ATP8A2: variants seen among roughly 807,000 people sequenced by gnomAD.
ATP8A2 encodes phospholipid-transporting ATPase IB.
ATP8A2 carries 100 observed loss-of-function variants against 165.6 expected under a neutral mutation model. The ratio of observed to expected loss-of-function variants is 0.60; its 90% confidence interval spans 0.51 to 0.71. The LOEUF (loss-of-function observed/expected upper bound fraction) is 0.71. Ranked by LOEUF, ATP8A2 falls within the 30% of genes least tolerant of loss-of-function variation. The probability of loss-of-function intolerance (pLI) is 0.00; values close to 1 mark genes in which losing one functional copy is unlikely to be tolerated. For synonymous variants in ATP8A2, 543 were observed against 548.8 expected (o/e 0.99, Z 0.15); for missense variants, 1,227 against 1,479.5 (o/e 0.83, Z 2.80).
chr13:26,022,595 A>C lies in ATP8A2; in HGVS notation c.*2610A>C, dbSNP rs1018281651. On this transcript the variant is annotated 3_prime_UTR_variant, in exon 37 of 37. Coordinates refer to ENST00000381655, the MANE Select transcript of ATP8A2 (RefSeq NM_016529.6). ...GAGCATTCTTACAGCCAAATGACTA[A>C]ATTGGCTGTAAATTGGTTTCTAGGA... The C allele has an allele frequency of 5.9e-5, 9 of 152,146 alleles. No individual in the cohort carries two copies. Among genetic ancestry groups the C allele is most frequent in the Non-Finnish European group, 1.0e-4 (7 of 68,026 alleles). The allele number at this position is 152,146 out of a possible 1,614,324, so 9.4% of individuals were successfully genotyped here. A position where few individuals can be genotyped will look rare whatever the true frequency, so the allele number is the denominator to read the frequency against.
chr13:25,865,697 C>A (rs566501212), intron 33 of ATP8A2, among the ~76,000 whole-genome samples: 1 of 152,248 alleles, frequency 6.6e-6, no homozygotes, highest in Non-Finnish European at 1.5e-5. Context: ...TGAAACCCAG[C>A]CAGACAACAT....
At chr13:25,732,160 G>C (rs2043663565) in intron 25 of ATP8A2, among the ~76,000 whole-genome samples, 1 of 152,178 alleles carries the variant, frequency 6.6e-6, no homozygotes, top group African/African-American at 2.4e-5. Context: ...ACTGTGTTTA[G>C]GAAAAGGAGG....
rs937525314 is a variant in ATP8A2 at position 25,558,832 on chromosome 13, T to G, written c.1264-141T>G. 2.0e-5 allele frequency: 11 copies of G among 551,838 alleles called. No homozygotes were observed. The African/African-American group carries it at 2.1e-4, about 11-fold the overall frequency. 34.2% of individuals were successfully genotyped at this position (551,838 alleles called of 1,614,324 possible). ...GTCTAAGCATTAAAATATTAATATA[T>G]TTTTTGTTACTAATTTGCTTGCTTT... On this transcript the variant is annotated intron_variant, in intron 13 of 36. Coordinates refer to ENST00000381655, the MANE Select transcript of ATP8A2 (RefSeq NM_016529.6).
At chr13:25,383,794 C>T (rs1245338204) in intron 1 of ATP8A2, among the ~76,000 whole-genome samples, 2 of 152,160 alleles carry the variant, frequency 1.3e-5, no homozygotes, top group South Asian at 2.1e-4. Context: ...TAGTGACCCT[C>T]TCCAAACAAA....
chr13:25,554,510 C>CAT (rs1176972902), intron 12 of ATP8A2, among the ~76,000 whole-genome samples: 5 of 105,726 alleles, frequency 4.7e-5, no homozygotes, highest in Non-Finnish European at 1.1e-4. Context: ...AAATATAAAT[C>CAT]ATGTGTGTGT....
At chr13:25,513,384 A>G (rs1170818916) in intron 2 of ATP8A2, among the ~76,000 whole-genome samples, 3 of 149,184 alleles carry the variant, frequency 2.0e-5, no homozygotes, top group African/African-American at 7.5e-5. Context: ...GACGCTTCTC[A>G]CTTCCTAGAT....
At position 25,559,026 on chromosome 13, in the gene ATP8A2, CT is replaced by C; in HGVS notation, c.1320del (p.Phe440LeufsTer9). ...TGTLTCNIMN[F>X]KKCSIAGVTY... ...GAACGCTTACATGCAATATCATGAA[CT>C]TTAAGAAGTGCAGCATTGCCGGAGT... On this transcript the variant is annotated frameshift_variant, in exon 14 of 37. Transcript: ENST00000381655. LOFTEE classifies it high-confidence loss of function. The C allele has an allele frequency of 6.2e-7, 1 of 1,612,792 alleles. No individual in the cohort carries two copies. The highest frequency in any genetic ancestry group is 8.5e-7 in the Non-Finnish European group (1 of 1,179,304).
intron 25 of ATP8A2, among the ~76,000 whole-genome samples, chr13:25,768,759 C>T (rs142353615): frequency 2.0e-5 from 3 of 152,330 alleles, no homozygotes; most frequent in East Asian, 1.9e-4. Flanking sequence ...GCAGGGCACA[C>T]GTACCCCCGA....
At chr13:25,460,228 A>G (rs2035470243) in intron 1 of ATP8A2, among the ~76,000 whole-genome samples, 1 of 152,142 alleles carries the variant, frequency 6.6e-6, no homozygotes, top group Non-Finnish European at 1.5e-5. Flanking sequence ...CAAAGAAGCA[A>G]ACAAAATATG....
chr13:25,375,637 A>T (rs1453140357), intron 1 of ATP8A2, among the ~76,000 whole-genome samples: 4 of 149,704 alleles, frequency 2.7e-5, no homozygotes, highest in Non-Finnish European at 4.5e-5. Context: ...CAGTGGTGTG[A>T]TCTCGGCTCA....
At chr13:25,694,522 A>G (rs928393361) in intron 24 of ATP8A2, among the ~76,000 whole-genome samples, 22 of 152,122 alleles carry the variant, frequency 1.4e-4, no homozygotes, top group Non-Finnish European at 4.4e-5. Context: ...CCTGGTGAAC[A>G]CACCCAGGCT....
intron 33 of ATP8A2, among the ~76,000 whole-genome samples, chr13:25,919,723 G>T (rs1175623558): frequency 6.6e-6 from 1 of 152,028 alleles, no homozygotes; most frequent in African/African-American, 2.4e-5. Flanking sequence ...CAATTCCAAA[G>T]ATTTTCTGTA....
At chr13:25,493,999 C>T (rs1017993171) in intron 2 of ATP8A2, among the ~76,000 whole-genome samples, 11 of 152,050 alleles carry the variant, frequency 7.2e-5, no homozygotes, top group Non-Finnish European at 1.5e-4. Context: ...AGGTGAATCA[C>T]GTCCACTCTA....
At position 25,869,842 on chromosome 13, in the gene ATP8A2, C is replaced by T. The variant is rs182011764; in HGVS notation, c.3183+7434C>T. ...GTGAATGTTTACAGCTCCTGAACCC[C>T]AGTGGGCATGTGTTACAGGGTACTC... On this transcript the variant is annotated intron_variant, in intron 33 of 36. Coordinates refer to ENST00000381655, the MANE Select transcript of ATP8A2 (RefSeq NM_016529.6). 3.1e-4 allele frequency among the ~76,000 whole-genome samples: 47 copies of T among 152,304 alleles called. No homozygotes were observed. The East Asian group carries it at 5.2e-3, about 17-fold the overall frequency.
At chr13:25,438,177 A>T (rs1206700571) in intron 1 of ATP8A2, among the ~76,000 whole-genome samples, 1 of 152,136 alleles carries the variant, frequency 6.6e-6, no homozygotes, top group African/African-American at 2.4e-5. Flanking sequence ...TCTGGGTAGG[A>T]GGTTGACAAG....
intron 27 of ATP8A2, among the ~76,000 whole-genome samples, chr13:25,794,730 C>T (rs968841455): frequency 1.3e-5 from 2 of 151,598 alleles, no homozygotes; most frequent in African/African-American, 2.4e-5. Context: ...CCAGTAATTG[C>T]TTCTTGGTAT....
chr13:25,401,117 C>T lies in ATP8A2; in HGVS notation c.76+28829C>T, dbSNP rs74042948. On this transcript the variant is annotated intron_variant, in intron 1 of 36. Coordinates refer to ENST00000381655, the MANE Select transcript of ATP8A2 (RefSeq NM_016529.6). ...ATGAACCAGATGTGCAGTGAGTGTG[C>T]GGCACAGCTCGGAAATGAGACACGG... Among the ~76,000 whole-genome samples the T allele has an allele frequency of 9.4e-3, 1,427 of 152,168 alleles. 24 individuals carry two copies. The highest frequency in any genetic ancestry group is 0.032 in the African/African-American group (1,333 of 41,510).
chr13:25,768,636 T>G (rs2044547077), intron 25 of ATP8A2, among the ~76,000 whole-genome samples: 1 of 152,162 alleles, frequency 6.6e-6, no homozygotes, highest in African/African-American at 2.4e-5. Context: ...TTGCCAGCCC[T>G]AGGTTGTATA....
rs868628457 is a variant in ATP8A2 at position 25,474,131 on chromosome 13, A to T, written c.221+5010A>T. 2.3e-4 allele frequency among the ~76,000 whole-genome samples: 35 copies of T among 152,242 alleles called. No individual in the cohort carries two copies. The Middle Eastern group carries it at 0.01, about 44-fold the overall frequency. ...CAGGTGGGCGTTTTAGCTAGCAAAA[A>T]CTTCATTACAGTGGTAACTCGAGCT... On this transcript the variant is annotated intron_variant, in intron 2 of 36. Coordinates refer to ENST00000381655, the MANE Select transcript of ATP8A2 (RefSeq NM_016529.6).
Sources: allele counts gnomAD v4.1 joint callset (sites outside exome capture counted in the v4.1 genomes callset), GRCh38; gene constraint gnomAD v4.1.1; transcripts MANE v1.5; gene names NCBI Gene and HGNC (gene_info 2026-07-23, HGNC 2026-07-21).